LRP2: variants seen among roughly 807,000 people sequenced by gnomAD.
LRP2 encodes low-density lipoprotein receptor-related protein 2.
Under a neutral mutation model 531.0 loss-of-function variants are expected in LRP2, and 172 were observed. The ratio of observed to expected loss-of-function variants is 0.32; its 90% CI spans 0.29 to 0.37. LRP2 has a LOEUF of 0.37. Among genes scored for constraint, LRP2 ranks in the 10% least tolerant of loss-of-function variants. The probability of loss-of-function intolerance (pLI) is 1.00; values close to 1 mark genes in which losing one functional copy is unlikely to be tolerated. For synonymous variants in LRP2, 1,992 were observed against 2,027.6 expected, an observed-to-expected ratio of 0.98 and a Z score of 0.47; for missense variants, 5,167 against 5,868.3, an observed-to-expected ratio of 0.88 and a Z score of 3.90.
chr2:169,158,098 A>ACACACACACACACACACAC (rs1574080688), intron 63 of LRP2, among the ~76,000 whole-genome samples: 1 of 150,988 alleles, frequency 6.6e-6, no homozygotes, highest in Non-Finnish European at 1.5e-5. Context: ...ACACACACAC[A>ACACACACACACACACACAC]AATATATACA....
In LRP2 at chr2:169,205,595, C is replaced by T; in HGVS notation, c.7599G>A (p.Glu2533=). Residue 2533 remains glutamate, a synonymous_variant, in exon 41 of 79, where the codon GAG becomes GAA. Transcript: ENST00000649046. ...GGAAGTTTCCTCCCAATGTGGCTCT[C>T]TCGATTTTGGCATGTGTATCCCAGT... is the stretch of plus-strand genomic sequence containing the variant. ...WADWDTHAKI[E]RATLGGNFRV... is the part of the protein sequence containing the mutation. 2 of 1,613,830 alleles carry T rather than the reference C, an allele frequency of 1.2e-6. No individual in the cohort carries two copies. The highest frequency in any genetic ancestry group is 2.2e-5 in the South Asian group (2 of 91,076).
chr2:169,135,253 C>A (rs1389729704), intron 76 of LRP2, among the ~76,000 whole-genome samples: 2 of 152,098 alleles, frequency 1.3e-5, no homozygotes, highest in African/African-American at 4.8e-5. Context: ...ATTTCTCAGG[C>A]CCCCTCCCTT....
At position 169,326,814 on chromosome 2, in the gene LRP2, C is replaced by T. The variant is rs1414946338; in HGVS notation, c.80-5930G>A. ...GCCATCCCATCTGGGAAGTGAGGAG[C>T]GTCTCTGCCCGGCCGCCCATCGTCT... On this transcript the variant is annotated intron_variant, in intron 1 of 78. Coordinates refer to ENST00000649046, the MANE Select transcript of LRP2 (RefSeq NM_004525.3). 4.6e-5 allele frequency among the ~76,000 whole-genome samples: 7 copies of T among 151,220 alleles called. No homozygotes were observed. The South Asian group carries it at 6.3e-4, about 14-fold the overall frequency.
intron 1 of LRP2, among the ~76,000 whole-genome samples, chr2:169,360,147 A>AG (rs1163870517): frequency 2.3e-5 from 1 of 44,026 alleles, no homozygotes. Flanking sequence ...AAAAAAAAAA[A>AG]AGAGAGAGAG....
At chr2:169,328,550 G>T (rs577766154) in intron 1 of LRP2, among the ~76,000 whole-genome samples, 1 of 151,318 alleles carries the variant, frequency 6.6e-6, no homozygotes, top group East Asian at 1.9e-4. Flanking sequence ...GGGCAAAAGT[G>T]ATTTATATGT....
At chr2:169,353,118 C>A (rs577165496) in intron 1 of LRP2, among the ~76,000 whole-genome samples, 1 of 152,240 alleles carries the variant, frequency 6.6e-6, no homozygotes, top group South Asian at 2.1e-4. Flanking sequence ...AATCTCTATA[C>A]TTTTTTAAGT....
chr2:169,324,697 T>C (rs1473137673), intron 1 of LRP2, among the ~76,000 whole-genome samples: 3 of 151,446 alleles, frequency 2.0e-5, no homozygotes, highest in Non-Finnish European at 2.9e-5. Context: ...TGGGTAAGTG[T>C]TGGACTAAGA....
At chr2:169,256,302 G>A in intron 18 of LRP2, 66 bp from the exon 19 acceptor site, 4 of 1,403,516 alleles carry the variant, frequency 2.8e-6, no homozygotes, top group South Asian at 2.5e-5. Flanking sequence ...TACACAAAGG[G>A]CATCCAAAAA....
rs1445128202 is a variant in LRP2 at position 169,294,041 on chromosome 2, G to GA, written c.652+106dup. On this transcript the variant is annotated intron_variant, in intron 6 of 78. Coordinates refer to ENST00000649046, the MANE Select transcript of LRP2 (RefSeq NM_004525.3). ...ATCAAACGTAGTGACTCTTCTCCTT[G>GA]AAAAAAGAGGTACATTGGTGGGGGA... 5.9e-5 allele frequency: 47 copies of GA among 794,456 alleles called. 1 individual carries two copies. The East Asian group carries it at 1.1e-3, about 19-fold the overall frequency. The allele number at this position is 794,456 out of a possible 1,614,324, so 49.2% of individuals were successfully genotyped here.
intron 60 of LRP2, among the ~76,000 whole-genome samples, chr2:169,169,020 G>A (rs2105273073): frequency 6.6e-6 from 1 of 152,332 alleles, no homozygotes. Flanking sequence ...TATCATGGAT[G>A]ATGGTTATTG....
intron 1 of LRP2, among the ~76,000 whole-genome samples, chr2:169,324,876 G>A (rs540338231): frequency 1.1e-4 from 17 of 152,166 alleles, no homozygotes; most frequent in East Asian, 7.7e-4. Context: ...ATGCATGTTC[G>A]TCAGGAAGTG....
rs1689874436 is a variant in LRP2, at chr2:169,243,221, T to C, written c.3551-149A>G. On this transcript the variant is annotated intron_variant, in intron 23 of 78. Transcript: ENST00000649046. ...TTACATAGGTATACACGTGCCATGG[T>C]GGTTTGCTGCACCCATCAACCCATC... The C allele has an allele frequency of 4.5e-6, 4 of 887,628 alleles. No homozygotes were observed. The Admixed American group carries it at 5.9e-5, about 13-fold the overall frequency. The allele number at this position is 887,628 out of a possible 1,614,324, so 55.0% of individuals were successfully genotyped here.
chr2:169,243,295 C>T (rs985111907), intron 23 of LRP2, 108 bp downstream of exon 23: 18 of 1,338,620 alleles, frequency 1.3e-5, no homozygotes, highest in Admixed American at 5.3e-5. Context: ...TAGCTCCCCA[C>T]CCCCCAACAG....
rs566485400 is a variant in LRP2, at chr2:169,264,210, A to G, written c.2321-4993T>C. Among the ~76,000 whole-genome samples the G allele has an allele frequency of 5.8e-4, 89 of 152,198 alleles. 1 individual carries two copies. In the South Asian group the frequency reaches 0.018, roughly 30 times the overall value. On this transcript the variant is annotated intron_variant, in intron 16 of 78. Coordinates refer to ENST00000649046, the MANE Select transcript of LRP2 (RefSeq NM_004525.3). ...GTATACATATGTAACTAACCTGCAC[A>G]TTGTACACATGTACCCTAAAACTTA...
In LRP2 at chr2:169,157,484, G is replaced by T. The variant is rs1164703156; in HGVS notation, c.11906C>A (p.Thr3969Lys). Reference protein sequence around the residue: ...ELGCNKGKERTCAENICEQNC... With the variant: ...ELGCNKGKERKCAENICEQNC... ...TTGCTCGCATATATTTTCAGCACAT[G>T]TTCTTTCTTTTCCTTTATCTGAAAA... Residue 3969 changes from threonine (T) to lysine (K), a missense_variant, in exon 64 of 79, where the codon ACA (threonine) becomes AAA (lysine). This residue lies in a region of LRP2 where 564 missense variants were observed against 747.7 expected (regional missense o/e 0.75). Transcript: ENST00000649046. 6.2e-7 allele frequency: 1 copy of T among 1,612,942 alleles called. No individual in the cohort carries two copies. The highest frequency in any genetic ancestry group is 2.2e-5 in the East Asian group (1 of 44,856).
At chr2:169,196,171 C>T (rs1687997654) in intron 46 of LRP2, among the ~76,000 whole-genome samples, 1 of 152,052 alleles carries the variant, frequency 6.6e-6, no homozygotes, top group African/African-American at 2.4e-5. Context: ...CAGGACGTGG[C>T]CATAGTAGAG....
intron 6 of LRP2, 55 bp downstream of exon 6, chr2:169,294,077 AAAACAAAACAAAACCG>A (rs1288853610): frequency 7.3e-6 from 8 of 1,095,200 alleles, no homozygotes; most frequent in Non-Finnish European, 9.9e-6. Context: ...GCGGGGGGAT[AAAACAAAACAAAACCG>A]AAACAAAACA....
intron 62 of LRP2, among the ~76,000 whole-genome samples, chr2:169,165,025 C>T (rs145555404): frequency 3.0e-4 from 45 of 152,232 alleles, no homozygotes; most frequent in Non-Finnish European, 2.4e-4. Flanking sequence ...CTATCTCTGC[C>T]AGTAATAATG....
At chr2:169,237,994 C>T in intron 27 of LRP2, 97 bp downstream of exon 27, 1 of 991,584 alleles carries the variant, frequency 1.0e-6, no homozygotes, top group South Asian at 1.3e-5. Context: ...TGAGAGCTAC[C>T]CAGATGAGGT....
Sources: allele counts gnomAD v4.1 joint callset (sites outside exome capture counted in the v4.1 genomes callset), GRCh38; gene constraint gnomAD v4.1.1; regional missense constraint gnomAD v4.1.1; transcripts MANE v1.5; gene names NCBI Gene and HGNC (gene_info 2026-07-23, HGNC 2026-07-21).